The following ZHX2 variants were observed in gnomAD, a reference collection of about 807,000 sequenced individuals.
ZHX2 encodes the protein zinc fingers and homeoboxes 2, also known as zinc fingers and homeoboxes protein 2.
ZHX2 carries 6 observed loss-of-function variants against 21.9 expected under a neutral mutation model. The ratio of observed to expected loss-of-function variants is 0.27; its 90% confidence interval spans 0.15 to 0.54. ZHX2 has a LOEUF of 0.54. ZHX2 is among the 20% of genes least tolerant of loss of function. The probability of loss-of-function intolerance (pLI) is 0.95; values close to 1 mark genes in which losing one functional copy is unlikely to be tolerated. For missense variants in ZHX2, 908 were observed against 1,090.7 expected (o/e 0.83, Z 2.36); for synonymous variants, 434 against 437.1 (o/e 0.99, Z 0.09).
At chr8:122,816,804 A>C (rs1484277860) in intron 1 of ZHX2, among the ~76,000 whole-genome samples, 1 of 152,162 alleles carries the variant, frequency 6.6e-6, no homozygotes, top group Non-Finnish European at 1.5e-5. Flanking sequence ...AAAGCCTCTT[A>C]AGAGGCTATG....
At chr8:122,887,096 CAT>C (rs1819861781) in intron 2 of ZHX2, among the ~76,000 whole-genome samples, 3 of 128,966 alleles carry the variant, frequency 2.3e-5, no homozygotes, top group African/African-American at 9.8e-5. Flanking sequence ...TGTGTGTGTA[CAT>C]GAGTGAGTTA....
chr8:122,848,297 C>T (rs1818802533), intron 1 of ZHX2, among the ~76,000 whole-genome samples: 1 of 152,138 alleles, frequency 6.6e-6, no homozygotes, highest in African/African-American at 2.4e-5. Context: ...GGCCACAACA[C>T]CTCTTTTCAG....
At chr8:122,801,757 C>T (rs1448914937) in intron 1 of ZHX2, among the ~76,000 whole-genome samples, 1 of 152,096 alleles carries the variant, frequency 6.6e-6, no homozygotes, top group African/African-American at 2.4e-5. Flanking sequence ...ATCTCCAAAA[C>T]AAAAAGAGAT....
intron 1 of ZHX2, among the ~76,000 whole-genome samples, chr8:122,838,877 T>C (rs1818564152): frequency 6.6e-6 from 1 of 152,110 alleles, no homozygotes; most frequent in Non-Finnish European, 1.5e-5. Flanking sequence ...GCCTGGCCAA[T>C]GTGATTTTTT....
chr8:122,894,688 C>T (rs1820056083), intron 2 of ZHX2, among the ~76,000 whole-genome samples: 1 of 152,000 alleles, frequency 6.6e-6, no homozygotes, highest in Non-Finnish European at 1.5e-5. Context: ...GGAGATATAC[C>T]TAATGTTAAA....
At chr8:122,954,473 A>G (rs1292980251) in intron 3 of ZHX2, among the ~76,000 whole-genome samples, 1 of 152,058 alleles carries the variant, frequency 6.6e-6, no homozygotes, top group Non-Finnish European at 1.5e-5. Flanking sequence ...ACACCCAACT[A>G]ATATTTTAAT....
At chr8:122,926,235 C>A (rs1820848346) in intron 2 of ZHX2, among the ~76,000 whole-genome samples, 1 of 152,138 alleles carries the variant, frequency 6.6e-6, no homozygotes, top group South Asian at 2.1e-4. Flanking sequence ...GGCCTGAGCA[C>A]TGGGGTATTT....
At chr8:122,860,694 C>G (rs888043476) in intron 1 of ZHX2, among the ~76,000 whole-genome samples, 3 of 152,152 alleles carry the variant, frequency 2.0e-5, no homozygotes, top group African/African-American at 7.2e-5. Flanking sequence ...GCGGACAGAT[C>G]TTCATCAGAA....
At chr8:122,889,217 A>G (rs1251408142) in intron 2 of ZHX2, among the ~76,000 whole-genome samples, 1 of 152,056 alleles carries the variant, frequency 6.6e-6, no homozygotes, top group African/African-American at 2.4e-5. Flanking sequence ...CAACATACTG[A>G]TTTTGTTTCC....
rs1813175951 is a variant in ZHX2 at position 122,953,091 on chromosome 8, C to T, written c.1581C>T (p.Asp527=). ...RHGRTYHAYP[D]FAPQKFKEKT... is the part of the protein sequence containing the mutation. ...GTCGCACGTATCATGCGTACCCAGA[C>T]TTTGCCCCCCAGAAGTTCAAAGAGA... Residue 527 remains aspartate, a synonymous_variant, in exon 3 of 4, where the codon GAC becomes GAT. Transcript: ENST00000314393. This position sits in a 1 kb window ranked among gnomAD's most constrained non-coding sequence, Gnocchi z 4.6. 1 of 1,613,994 alleles carries T rather than the reference C, an allele frequency of 6.2e-7. No individual in the cohort carries two copies. The highest frequency in any genetic ancestry group is 1.7e-5 in the Admixed American group (1 of 60,024).
chr8:122,959,511 A>G (rs1411584956), intron 3 of ZHX2, among the ~76,000 whole-genome samples: 1 of 152,162 alleles, frequency 6.6e-6, no homozygotes, highest in Non-Finnish European at 1.5e-5. Flanking sequence ...TATATCATTA[A>G]TCTCTGAATC....
At chr8:122,829,173 C>T (rs74340283) in intron 1 of ZHX2, among the ~76,000 whole-genome samples, 3,506 of 152,298 alleles carry the variant, frequency 0.023, 123 homozygotes, top group African/African-American at 0.08. Context: ...ATGGACAGAT[C>T]AAGCAGCTTG....
At position 122,783,927 on chromosome 8, in the gene ZHX2, C is replaced by T. The variant is rs540461705; in HGVS notation, c.-283+1981C>T. Among the ~76,000 whole-genome samples the T allele has an allele frequency of 2.0e-5, 3 of 152,326 alleles. No homozygotes were observed. The South Asian group carries it at 6.2e-4, about 32-fold the overall frequency. ...ATCGCTGTTTAAATGCTCTGCTCCGCGATTGTTCTCTTGCGCACTTGTACC... is the reference window on the plus strand; with the variant it reads ...ATCGCTGTTTAAATGCTCTGCTCCGTGATTGTTCTCTTGCGCACTTGTACC... On this transcript the variant is annotated intron_variant, in intron 1 of 3. Coordinates refer to ENST00000314393, the MANE Select transcript of ZHX2 (RefSeq NM_014943.5).
chr8:122,953,648 C>A lies in ZHX2; in HGVS notation c.2138C>A (p.Thr713Lys). 1.2e-6 allele frequency: 2 copies of A among 1,614,230 alleles called. No individual in the cohort carries two copies. The highest frequency in any genetic ancestry group is 1.7e-6 in the Non-Finnish European group (2 of 1,180,042). Residue 713 changes from threonine to lysine, a missense_variant, in exon 3 of 4, where the codon ACA (threonine) becomes AAA (lysine). Thr to Lys is a moderately conservative substitution (Grantham distance 78). This residue lies in a region of ZHX2 where 431 missense variants were observed against 428.6 expected (regional missense o/e 1.01). Transcript: ENST00000314393. The surrounding 1 kb of genome is among the most constrained non-coding windows in gnomAD (Gnocchi z 4.6). ...TACGATGCCGTAGCAAGGAAAGCAA[C>A]AAAACCCATGGCCGAGAGCCCAAAG... ...HGYDAVARKA[T>K]KPMAESPKNG...
At chr8:122,933,900 A>G (rs1385189326) in intron 2 of ZHX2, among the ~76,000 whole-genome samples, 1 of 152,174 alleles carries the variant, frequency 6.6e-6, no homozygotes, top group African/African-American at 2.4e-5. Context: ...TCTGGGCACA[A>G]TGGCCCACGT....
chr8:122,845,777 G>A (rs770914951), intron 1 of ZHX2, among the ~76,000 whole-genome samples: 3 of 152,322 alleles, frequency 2.0e-5, no homozygotes, highest in Non-Finnish European at 1.5e-5. Flanking sequence ...TAAGGAAACC[G>A]AGTTTCAGCC....
In ZHX2 at chr8:122,953,216, G is replaced by A. The variant is rs757922074; in HGVS notation, c.1706G>A (p.Ser569Asn). 2 of 1,613,844 alleles carry A rather than the reference G, an allele frequency of 1.2e-6. No individual in the cohort carries two copies. The highest frequency in any genetic ancestry group is 2.7e-5 in the African/African-American group (2 of 74,882). Residue 569 changes from serine (S) to asparagine (N), a missense_variant, in exon 3 of 4, where the codon AGC becomes AAC. Ser to Asn is a conservative substitution (Grantham distance 46). Coordinates refer to ENST00000314393, the MANE Select transcript of ZHX2 (RefSeq NM_014943.5). The surrounding 1 kb of genome is among the most constrained non-coding windows in gnomAD (Gnocchi z 4.6). Reference sequence around the variant, plus strand: ...CGGCTAAGGGTGGAGACCAAGCTGAGCAGGAGAGAGATCGACTCCTGGTTC... The same window carrying A: ...CGGCTAAGGGTGGAGACCAAGCTGAACAGGAGAGAGATCGACTCCTGGTTC... ...LDRLRVETKL[S>N]RREIDSWFSE...
At chr8:122,946,897 A>T (rs1232277922) in intron 2 of ZHX2, among the ~76,000 whole-genome samples, 11 of 152,000 alleles carry the variant, frequency 7.2e-5, no homozygotes, top group African/African-American at 1.7e-4. Flanking sequence ...ACTACTGAGC[A>T]TTCACAGGAG....
At chr8:122,905,849 G>A (rs903282485) in intron 2 of ZHX2, among the ~76,000 whole-genome samples, 1 of 152,190 alleles carries the variant, frequency 6.6e-6, no homozygotes, top group Non-Finnish European at 1.5e-5. Flanking sequence ...CAAAAACTGC[G>A]ATTGCTTTTG....
Sources: gnomAD v4.1 joint callset for allele counts (sites outside exome capture counted in the v4.1 genomes callset) on GRCh38, gnomAD v4.1.1 for gene constraint, gnomAD v4.1.1 regional missense constraint, Gnocchi (gnomAD v3.1) non-coding constraint, MANE v1.5 for transcripts, NCBI Gene and HGNC (gene_info 2026-07-23, HGNC 2026-07-21) for gene names.